Variants in EEIG2 observed in about 807,000 individuals in gnomAD.
The protein encoded by EEIG2 is EEIG family member 2, also known as family with sequence similarity 102 member B.
the EEIG2 span, among the ~76,000 whole-genome samples, chr1:108,587,335 C>T: frequency 1.8e-4 from 27 of 152,262 alleles, no homozygotes; most frequent in African/African-American, 6.5e-4. Flanking sequence ...CCTGTCCCCA[C>T]ATACACACAA....
At chr1:108,632,161 C>T in the EEIG2 span, among the ~76,000 whole-genome samples, 3 of 148,730 alleles carry the variant, frequency 2.0e-5, no homozygotes, top group African/African-American at 7.4e-5. Context: ...AGTAATTTGC[C>T]CAAGGCCTTA....
the EEIG2 span, among the ~76,000 whole-genome samples, chr1:108,570,145 A>AT: frequency 1.8e-3 from 279 of 152,306 alleles, 1 homozygote; most frequent in Non-Finnish European, 3.5e-3. Context: ...TTTAACTGGG[A>AT]TTTTTTGTGG....
At chr1:108,628,447 G>A in the EEIG2 span, 1 of 1,614,044 alleles carries the variant, frequency 6.2e-7, no homozygotes, top group Non-Finnish European at 8.5e-7. Context: ...TCTGCCACAG[G>A]AGAAATACCT....
chr1:108,613,035 A>G, the EEIG2 span, among the ~76,000 whole-genome samples: 1 of 152,242 alleles, frequency 6.6e-6, no homozygotes, highest in South Asian at 2.1e-4. Flanking sequence ...TGAACATACG[A>G]AAATGTGTAA....
At chr1:108,561,183 G>T in the EEIG2 span, among the ~76,000 whole-genome samples, 1 of 152,194 alleles carries the variant, frequency 6.6e-6, no homozygotes, top group Non-Finnish European at 1.5e-5. Context: ...AGCCAGATGG[G>T]GAGCCCAGGC....
chr1:108,616,752 G>A, the EEIG2 span, among the ~76,000 whole-genome samples: 1 of 152,064 alleles, frequency 6.6e-6, no homozygotes, highest in Non-Finnish European at 1.5e-5. Context: ...CTTACCATGT[G>A]TTAGGCCATA....
the EEIG2 span, among the ~76,000 whole-genome samples, chr1:108,567,153 A>G: frequency 6.6e-6 from 1 of 152,138 alleles, no homozygotes; most frequent in Non-Finnish European, 1.5e-5. Flanking sequence ...TAGTTAAGTA[A>G]TTAAAATAAA....
At chr1:108,582,839 G>A in the EEIG2 span, among the ~76,000 whole-genome samples, 1 of 152,134 alleles carries the variant, frequency 6.6e-6, no homozygotes, top group Non-Finnish European at 1.5e-5. Flanking sequence ...AGCTGAGTGG[G>A]GGAGCAGAGT....
chr1:108,633,663 C>G, the EEIG2 span, among the ~76,000 whole-genome samples: 1 of 152,172 alleles, frequency 6.6e-6, no homozygotes, highest in African/African-American at 2.4e-5. Context: ...TTAAGATTTT[C>G]TGTTTATTAC....
chr1:108,569,019 A>C, the EEIG2 span, among the ~76,000 whole-genome samples: 1 of 152,226 alleles, frequency 6.6e-6, no homozygotes, highest in Non-Finnish European at 1.5e-5. Context: ...GACATGAGAA[A>C]GTTGATCCTT....
the EEIG2 span, among the ~76,000 whole-genome samples, chr1:108,566,069 A>G: frequency 7.2e-5 from 11 of 152,168 alleles, no homozygotes; most frequent in Admixed American, 7.2e-4. Flanking sequence ...ATGAGATTAT[A>G]CTATACTTAG....
At chr1:108,578,623 C>A in the EEIG2 span, among the ~76,000 whole-genome samples, 4 of 151,566 alleles carry the variant, frequency 2.6e-5, no homozygotes, top group Non-Finnish European at 5.9e-5. Flanking sequence ...CGTATATTGA[C>A]CCAGCCTTGC....
At chr1:108,573,973 A>G in the EEIG2 span, among the ~76,000 whole-genome samples, 3 of 152,358 alleles carry the variant, frequency 2.0e-5, no homozygotes, top group Admixed American at 6.5e-5. Flanking sequence ...GGAAAACAGT[A>G]TGGTGGTCCC....
chr1:108,577,100 G>A, the EEIG2 span, among the ~76,000 whole-genome samples: 7 of 130,220 alleles, frequency 5.4e-5, no homozygotes, highest in Admixed American at 5.5e-4. Flanking sequence ...GTCTTCTTTT[G>A]AGAAGTGTCT....
chr1:108,627,143 A>C, the EEIG2 span: 2 of 152,232 alleles, frequency 1.3e-5, no homozygotes, highest in Non-Finnish European at 2.9e-5. Context: ...TGGATGACTT[A>C]AGATCTGGGC....
the EEIG2 span, chr1:108,624,648 T>C: frequency 2.5e-6 from 4 of 1,613,262 alleles, no homozygotes; most frequent in Admixed American, 6.7e-5. Flanking sequence ...TTTACAGGCC[T>C]CCCTCCACTT....
the EEIG2 span, among the ~76,000 whole-genome samples, chr1:108,608,110 C>G: frequency 6.6e-6 from 1 of 152,162 alleles, no homozygotes; most frequent in Non-Finnish European, 1.5e-5. Flanking sequence ...TACATTCATC[C>G]TTATGCCTCA....
the EEIG2 span, chr1:108,560,407 T>A: frequency 1.3e-6 from 2 of 1,533,954 alleles, no homozygotes; most frequent in Non-Finnish European, 8.8e-7. Flanking sequence ...TGCGCCCAGC[T>A]TGCAGGCGCC....
chr1:108,605,834 C>T, the EEIG2 span, among the ~76,000 whole-genome samples: 3 of 151,984 alleles, frequency 2.0e-5, no homozygotes, highest in Middle Eastern at 3.4e-3. Context: ...ACTGGTTGTC[C>T]CTGGGGTGTG....
Sources: gnomAD v4.1 joint callset for allele counts (sites outside exome capture counted in the v4.1 genomes callset) on GRCh38, gnomAD v4.1.1 for gene constraint, MANE v1.5 for transcripts, NCBI Gene and HGNC (gene_info 2026-07-23, HGNC 2026-07-21) for gene names.